PRDM6: variants seen among roughly 807,000 people sequenced by gnomAD.
PRDM6 encodes the protein putative histone-lysine N-methyltransferase PRDM6.
In PRDM6, 25 loss-of-function variants were observed where a neutral mutation model predicts 60.8. The ratio of observed to expected loss-of-function variants is 0.41; its 90% CI spans 0.30 to 0.57. The LOEUF is 0.57. PRDM6 is among the 20% of genes least tolerant of loss of function. PRDM6 has a pLI of 0.27. For missense variants in PRDM6, 839 were observed against 821.3 expected, an observed-to-expected ratio of 1.02 and a Z score of -0.26; for synonymous variants, 407 against 357.4, an observed-to-expected ratio of 1.14 and a Z score of -1.57.
chr5:123,106,173 A>G (rs528578640), intron 3 of PRDM6, among the ~76,000 whole-genome samples: 1 of 152,378 alleles, frequency 6.6e-6, no homozygotes, highest in East Asian at 1.9e-4. Flanking sequence ...AAGTACTGAC[A>G]GCACACTATT....
chr5:123,103,325 G>A (rs1180092772), intron 3 of PRDM6, among the ~76,000 whole-genome samples: 1 of 151,814 alleles, frequency 6.6e-6, no homozygotes, highest in African/African-American at 2.4e-5. Context: ...GAATTTTAAT[G>A]TGTTTTTTAA....
intron 3 of PRDM6, among the ~76,000 whole-genome samples, chr5:123,124,114 G>A (rs1470638746): frequency 6.6e-6 from 1 of 152,170 alleles, no homozygotes; most frequent in East Asian, 1.9e-4. Flanking sequence ...TGCTCCTTCT[G>A]TGTTGAAGGC....
chr5:123,092,543 C>T (rs949110405), intron 2 of PRDM6, among the ~76,000 whole-genome samples: 2 of 151,998 alleles, frequency 1.3e-5, no homozygotes, highest in African/African-American at 2.4e-5. Context: ...GGTATTGAAC[C>T]AGTTTATTGC....
chr5:123,167,845 A>G (rs1765791576), intron 5 of PRDM6, among the ~76,000 whole-genome samples: 1 of 152,168 alleles, frequency 6.6e-6, no homozygotes, highest in Non-Finnish European at 1.5e-5. Flanking sequence ...TGTTGATGAC[A>G]TCTTCATTCT....
At chr5:123,131,065 C>T (rs887467238) in intron 3 of PRDM6, among the ~76,000 whole-genome samples, 1 of 152,126 alleles carries the variant, frequency 6.6e-6, no homozygotes, top group Admixed American at 6.5e-5. Context: ...TTGTCTGCTA[C>T]TTTTTTCATT....
rs1311666218 is a variant in PRDM6 at position 123,155,963 on chromosome 5, G to A, written c.980G>A (p.Arg327Gln). ...AAGTCGAGCTGGATGAGGTATATCC[G>A]ATGTGCAAGGCACTGCGGAGAACAG... is the stretch of plus-strand genomic sequence containing the variant. The part of the protein sequence containing the change: ...PSKSSWMRYI[R>Q]CARHCGEQNL... Residue 327 changes from arginine to glutamine, a missense_variant, in exon 4 of 8, where the codon CGA becomes CAA. Transcript: ENST00000407847. 1.1e-5 allele frequency: 17 copies of A among 1,551,578 alleles called. No homozygotes were observed. Among genetic ancestry groups the A allele is most frequent in the South Asian group, 4.8e-5 (4 of 84,066 alleles).
intron 3 of PRDM6, among the ~76,000 whole-genome samples, chr5:123,153,711 C>G (rs1162340844): frequency 6.6e-6 from 1 of 152,128 alleles, no homozygotes; most frequent in African/African-American, 2.4e-5. Context: ...AAGATTACTG[C>G]TGAAACAAGA....
At chr5:123,111,689 AAAC>A (rs1178477489) in intron 3 of PRDM6, among the ~76,000 whole-genome samples, 3 of 100,252 alleles carry the variant, frequency 3.0e-5, no homozygotes, top group African/African-American at 9.6e-5. Context: ...CAGAGCGAGA[AAAC>A]AAAACAAAAC....
Position 123,190,477 on chromosome 5 carries a change from G to T in PRDM6, c.*3276G>T, listed in dbSNP as rs958199357. On this transcript the variant is annotated 3_prime_UTR_variant, in exon 8 of 8. Transcript: ENST00000407847. Reference sequence around the variant, plus strand: ...TATACTTCTAAAAAGTTATTGTATGGCTAATTAAAGCTATGAAACTTAATC... The same window carrying T: ...TATACTTCTAAAAAGTTATTGTATGTCTAATTAAAGCTATGAAACTTAATC... 1 of 151,962 alleles carries T rather than the reference G, an allele frequency of 6.6e-6. No homozygotes were observed. The highest frequency in any genetic ancestry group is 1.5e-5 in the Non-Finnish European group (1 of 67,992). 9.4% of individuals were successfully genotyped at this position (151,962 alleles called of 1,614,324 possible).
chr5:123,137,085 G>A (rs1425747386), intron 3 of PRDM6, among the ~76,000 whole-genome samples: 1 of 152,226 alleles, frequency 6.6e-6, no homozygotes, highest in East Asian at 1.9e-4. Flanking sequence ...ATAATATATG[G>A]TGCATCCTTC....
chr5:123,127,322 G>C (rs950571266), intron 3 of PRDM6, among the ~76,000 whole-genome samples: 37 of 152,242 alleles, frequency 2.4e-4, no homozygotes, highest in African/African-American at 8.2e-4. Context: ...ACAGGCATGA[G>C]CCACCGTGCC....
intron 3 of PRDM6, among the ~76,000 whole-genome samples, chr5:123,130,787 G>A (rs946844410): frequency 1.5e-4 from 23 of 152,066 alleles, no homozygotes; most frequent in African/African-American, 5.6e-4. Flanking sequence ...GGCTGGTCTC[G>A]AACTCCTGAC....
Position 123,193,129 on chromosome 5 carries a change from A to G in PRDM6, c.*5928A>G, listed in dbSNP as rs1375763881. On this transcript the variant is annotated 3_prime_UTR_variant, in exon 8 of 8. Coordinates refer to ENST00000407847, the MANE Select transcript of PRDM6 (RefSeq NM_001136239.4). Reference sequence around the variant, plus strand: ...CTACTTTCCTCCAGATTCTGATTCTAATGGGCACATTTGTTTGTTGAAATG... The same window carrying G: ...CTACTTTCCTCCAGATTCTGATTCTGATGGGCACATTTGTTTGTTGAAATG... The G allele has an allele frequency of 6.6e-6, 1 of 152,202 alleles. No homozygotes were observed. The highest frequency in any genetic ancestry group is 1.5e-5 in the Non-Finnish European group (1 of 68,028). The allele number at this position is 152,202 out of a possible 1,614,324, so 9.4% of individuals were successfully genotyped here. A position where few individuals can be genotyped will look rare whatever the true frequency, so the allele number is the denominator to read the frequency against.
In PRDM6 at chr5:123,090,572, C is replaced by G. The variant is rs750511733; in HGVS notation, c.558C>G (p.Ile186Met). ...ATGGCCAGCAGCGCATGGAGATCAT[C>G]CCGCTCAACCAGCACACCAGCGACC... Reference protein sequence around the residue: ...YLYGQQRMEIIPLNQHTSDPN... With the variant: ...YLYGQQRMEIMPLNQHTSDPN... Residue 186 changes from isoleucine (I) to methionine (M), a missense_variant, in exon 2 of 8, where the codon ATC (isoleucine) becomes ATG (methionine). Around this residue, in one of 2 missense-constraint regions of PRDM6, gnomAD observed 730 missense variants for 648.8 expected, o/e 1.13. Transcript: ENST00000407847. The G allele has an allele frequency of 2.1e-5, 32 of 1,525,634 alleles. No individual in the cohort carries two copies. Among genetic ancestry groups the G allele is most frequent in the Non-Finnish European group, 2.6e-5 (30 of 1,143,722 alleles). 94.5% of individuals were successfully genotyped at this position (1,525,634 alleles called of 1,614,324 possible). A position where few individuals can be genotyped will look rare whatever the true frequency, so the allele number is the denominator to read the frequency against.
intron 3 of PRDM6, among the ~76,000 whole-genome samples, chr5:123,152,685 A>G (rs1210512984): frequency 1.3e-5 from 2 of 152,226 alleles, no homozygotes; most frequent in African/African-American, 2.4e-5. Flanking sequence ...GCAGTGGACA[A>G]GCCACTCACA....
intron 2 of PRDM6, among the ~76,000 whole-genome samples, chr5:123,097,096 C>T (rs1485796007): frequency 6.6e-6 from 1 of 152,110 alleles, no homozygotes; most frequent in Non-Finnish European, 1.5e-5. Context: ...GGCATATTGC[C>T]TTTGCTTATT....
chr5:123,170,791 A>T lies in PRDM6; in HGVS notation c.1179A>T (p.Glu393Asp). 6.4e-7 allele frequency: 1 copy of T among 1,551,288 alleles called. No homozygotes were observed. The highest frequency in any genetic ancestry group is 8.7e-7 in the Non-Finnish European group (1 of 1,146,674). The part of the protein sequence containing the change: ...ENLNVPSTVM[E>D]AMCRQDALQP... Reference sequence around the variant, plus strand: ...TAAATGTCCCTTCAACGGTAATGGAAGCCATGTGCAGACAAGACGCCCTGC... The same window carrying T: ...TAAATGTCCCTTCAACGGTAATGGATGCCATGTGCAGACAAGACGCCCTGC... The change falls in exon 6 of 8, where the codon GAA becomes GAT. Residue 393 changes from glutamate to aspartate, a missense_variant. Glu to Asp is a conservative substitution (Grantham distance 45). This residue lies in a region of PRDM6 where 730 missense variants were observed against 648.8 expected (regional missense o/e 1.13). Coordinates refer to ENST00000407847, the MANE Select transcript of PRDM6 (RefSeq NM_001136239.4).
rs531264004 is a variant in PRDM6, at chr5:123,159,517, G to A, written c.1032G>A (p.Ser344=). 8.9e-5 allele frequency: 138 copies of A among 1,550,894 alleles called. No individual in the cohort carries two copies. The African/African-American group carries it at 1.5e-3, about 17-fold the overall frequency. ...EQNLTVVQYR[S]NIFYRACIDI... is the part of the protein sequence containing the mutation. ...GGTTTTCTTTTGTTTTGAATAGGTC[G>A]AATATATTCTACCGAGCCTGTATAG... is the stretch of plus-strand genomic sequence containing the variant. Residue 344 remains serine (S), a synonymous_variant, in exon 5 of 8, where the codon TCG becomes TCA. Coordinates refer to ENST00000407847, the MANE Select transcript of PRDM6 (RefSeq NM_001136239.4).
At chr5:123,146,041 T>A (rs1765231186) in intron 3 of PRDM6, among the ~76,000 whole-genome samples, 1 of 152,210 alleles carries the variant, frequency 6.6e-6, no homozygotes, top group African/African-American at 2.4e-5. Flanking sequence ...TCTGTCTATT[T>A]TTTAGAGATG....
Sources: gnomAD v4.1 joint callset for allele counts (sites outside exome capture counted in the v4.1 genomes callset) on GRCh38, gnomAD v4.1.1 for gene constraint, gnomAD v4.1.1 regional missense constraint, MANE v1.5 for transcripts, NCBI Gene and HGNC (gene_info 2026-07-23, HGNC 2026-07-21) for gene names.